ITGA11: variants seen among roughly 807,000 people sequenced by gnomAD.
The protein encoded by ITGA11 is integrin subunit alpha 11.
In ITGA11, 97 loss-of-function variants were observed where a neutral mutation model predicts 141.9. The observed-to-expected ratio is 0.68, with a 90% confidence interval of 0.58 to 0.81. The LOEUF (loss-of-function observed/expected upper bound fraction) is 0.81. Ranked by LOEUF, ITGA11 falls within the 30% of genes least tolerant of loss-of-function variation. The probability of loss-of-function intolerance (pLI) is 0.00; values close to 1 mark genes in which losing one functional copy is unlikely to be tolerated. For missense variants in ITGA11, 1,387 were observed against 1,559.2 expected (o/e 0.89, Z 1.86); for synonymous variants, 658 against 624.6 (o/e 1.05, Z -0.80).
At chr15:68,369,372 AAGTT>A in intron 2 of ITGA11, 88 bp from the exon 3 acceptor site, 1 of 249,734 alleles carries the variant, frequency 4.0e-6, no homozygotes, top group Non-Finnish European at 8.3e-6. Context: ...TGTGGAGGTG[AAGTT>A]GGGTGGGGAG....
rs1409664406 is a variant in ITGA11, at chr15:68,298,142, T to C, written c.*4917A>G. The C allele has an allele frequency of 6.6e-6, 1 of 152,208 alleles. No individual in the cohort carries two copies. Among genetic ancestry groups the C allele is most frequent in the African/African-American group, 2.4e-5 (1 of 41,456 alleles). The allele number at this position is 152,208 out of a possible 1,614,324, so 9.4% of individuals were successfully genotyped here. A position where few individuals can be genotyped will look rare whatever the true frequency, so the allele number is the denominator to read the frequency against. On this transcript the variant is annotated 3_prime_UTR_variant, in exon 30 of 30. Transcript: ENST00000315757. ...AGATCACCAAAGAAAATACTGGCAG[T>C]AGTGTATTCCTTCAGATACTTGACC...
rs776633460 is a variant in ITGA11 at position 68,307,995 on chromosome 15, T to C, written c.3175-299A>G. ...AATCTATAAATGTTTCCTATCACCA[T>C]ATAAACACATTAAGATAAAAAATTC... On this transcript the variant is annotated intron_variant, in intron 26 of 29. Coordinates refer to ENST00000315757, the MANE Select transcript of ITGA11 (RefSeq NM_001004439.2). The surrounding 1 kb of genome is among the most constrained non-coding windows in gnomAD (Gnocchi z 6.1). Among the ~76,000 whole-genome samples, 1 of 152,176 alleles carries C rather than the reference T, an allele frequency of 6.6e-6. No homozygotes were observed. The highest frequency in any genetic ancestry group is 1.5e-5 in the Non-Finnish European group (1 of 68,034).
At chr15:68,399,225 C>CCA (rs1445409444) in intron 2 of ITGA11, among the ~76,000 whole-genome samples, 1 of 152,012 alleles carries the variant, frequency 6.6e-6, no homozygotes, top group Non-Finnish European at 1.5e-5. Context: ...GAAAAATACT[C>CCA]CACATCACTA....
rs1893821387 is a variant in ITGA11 at position 68,321,736 on chromosome 15, A to C, written c.2323-233T>G. ...TCCAGTTCATAACTGAGCTGATGGC[A>C]CAGAACCCCCACCCCCACTCACCCA... On this transcript the variant is annotated intron_variant, in intron 18 of 29. Transcript: ENST00000315757. This position sits in a 1 kb window ranked among gnomAD's most constrained non-coding sequence, Gnocchi z 4.9. 6.6e-6 allele frequency among the ~76,000 whole-genome samples: 1 copy of C among 152,114 alleles called. No individual in the cohort carries two copies.
intron 2 of ITGA11, among the ~76,000 whole-genome samples, chr15:68,390,330 G>A (rs747638277): frequency 4.6e-5 from 7 of 152,174 alleles, no homozygotes; most frequent in Non-Finnish European, 8.8e-5. Flanking sequence ...CTTACGGCTG[G>A]TAAACGGGGC....
In ITGA11 at chr15:68,299,379, C is replaced by G. The variant is rs745342899; in HGVS notation, c.*3680G>C. ...AGGCCTGGCTGTCCTTTGAGAAGAA[C>G]CTAGTTGATGTTAATATTAACATAA... On this transcript the variant is annotated 3_prime_UTR_variant, in exon 30 of 30. Coordinates refer to ENST00000315757, the MANE Select transcript of ITGA11 (RefSeq NM_001004439.2). The G allele has an allele frequency of 6.6e-6, 1 of 151,450 alleles. No homozygotes were observed. The highest frequency in any genetic ancestry group is 1.5e-5 in the Non-Finnish European group (1 of 67,944). 9.4% of individuals were successfully genotyped at this position (151,450 alleles called of 1,614,324 possible).
At chr15:68,422,497 A>C (rs1482860653) in intron 1 of ITGA11, among the ~76,000 whole-genome samples, 1 of 152,058 alleles carries the variant, frequency 6.6e-6, no homozygotes. Flanking sequence ...TAGCCATCTT[A>C]TCATTCTACC....
intron 4 of ITGA11, among the ~76,000 whole-genome samples, chr15:68,364,393 T>C (rs1326574054): frequency 6.6e-6 from 1 of 152,254 alleles, no homozygotes; most frequent in Non-Finnish European, 1.5e-5. Context: ...ACTTGTTGGC[T>C]ATCTACATTT....
chr15:68,357,058 A>C, intron 7 of ITGA11, 93 bp downstream of exon 7: 1 of 1,134,678 alleles, frequency 8.8e-7, no homozygotes, highest in Non-Finnish European at 1.2e-6. Flanking sequence ...GTCTCAAGGT[A>C]CTAAATTTTG....
rs568152331 is a variant in ITGA11 at position 68,307,370 on chromosome 15, C to T, written c.3359G>A (p.Arg1120His). The part of the protein sequence containing the change: ...QRQFHSPFIF[R>H]EEDPSRQIVF... ...CACCTGGCGGCTGGGATCCTCCTCACGGAAGATGAAGGGGCTGTGGAACTG... is the reference window on the plus strand; with the variant it reads ...CACCTGGCGGCTGGGATCCTCCTCATGGAAGATGAAGGGGCTGTGGAACTG... Residue 1120 changes from arginine to histidine, a missense_variant, in exon 28 of 30, where the codon CGT (arginine) becomes CAT (histidine). Physicochemically the swap from Arg to His is conservative, Grantham distance 29. Coordinates refer to ENST00000315757, the MANE Select transcript of ITGA11 (RefSeq NM_001004439.2). This position sits in a 1 kb window ranked among gnomAD's most constrained non-coding sequence, Gnocchi z 6.1. The T allele has an allele frequency of 4.9e-4, 764 of 1,557,024 alleles. 8 individuals are homozygous for T. The South Asian group carries it at 7.0e-3, about 14-fold the overall frequency.
At chr15:68,312,682 G>A (rs1893428825) in intron 24 of ITGA11, 91 bp downstream of exon 24, 2 of 935,770 alleles carry the variant, frequency 2.1e-6, no homozygotes, top group Admixed American at 2.0e-5. Context: ...TGGACTCCGG[G>A]CACTAGCGAT....
In ITGA11 at chr15:68,315,662, G is replaced by A. The variant is rs766788110; in HGVS notation, c.2781C>T (p.Leu927=). The part of the protein sequence containing the change: ...SIFLHHLEIE[L]AAGSDSNERD... ...GGCACGGCCCTGACCTGCCTGCAGC[G>A]AGCTCGATCTCCAGGTGGTGTAGGA... The change falls in exon 22 of 30, where the codon CTC becomes CTT. Residue 927 remains leucine, a synonymous_variant. Coordinates refer to ENST00000315757, the MANE Select transcript of ITGA11 (RefSeq NM_001004439.2). 6 of 1,613,180 alleles carry A rather than the reference G, an allele frequency of 3.7e-6. No homozygotes were observed. The highest frequency in any genetic ancestry group is 5.1e-6 in the Non-Finnish European group (6 of 1,179,458).
chr15:68,313,741 T>C (rs1202327768), intron 23 of ITGA11, 38 bp downstream of exon 23: 2 of 1,529,076 alleles, frequency 1.3e-6, no homozygotes, highest in Non-Finnish European at 1.8e-6. Context: ...CCATTCCCCA[T>C]GCCTTCCCTC....
chr15:68,310,274 T>TAAA (rs1893338477), intron 26 of ITGA11, among the ~76,000 whole-genome samples: 1 of 152,052 alleles, frequency 6.6e-6, no homozygotes, highest in East Asian at 1.9e-4. Context: ...CAATTAGAAT[T>TAAA]TATTAGGTGA....
Position 68,304,728 on chromosome 15 carries a change from G to C in ITGA11, c.3382-843C>G, listed in dbSNP as rs7173564. 8.8e-3 allele frequency among the ~76,000 whole-genome samples: 1,347 copies of C among 152,244 alleles called. 14 individuals carry two copies. Among genetic ancestry groups the C allele is most frequent in the African/African-American group, 0.031 (1,282 of 41,530 alleles). The stretch of plus-strand genomic sequence containing the variant: ...CAGCCCCCGAAGCCTGCTCTTTCCA[G>C]CTCTTTCTCACCTAAGCAAATGGCA... On this transcript the variant is annotated intron_variant, in intron 28 of 29. Transcript: ENST00000315757. The surrounding 1 kb of genome is among the most constrained non-coding windows in gnomAD (Gnocchi z 6.1).
At position 68,335,578 on chromosome 15, in the gene ITGA11, G is replaced by A; in HGVS notation, c.1425+119C>T. 2.6e-6 allele frequency: 3 copies of A among 1,165,990 alleles called. No homozygotes were observed. Among genetic ancestry groups the A allele is most frequent in the South Asian group, 2.8e-5 (2 of 70,396 alleles). The allele number at this position is 1,165,990 out of a possible 1,614,324, so 72.2% of individuals were successfully genotyped here. On this transcript the variant is annotated intron_variant, in intron 12 of 29. Transcript: ENST00000315757. The surrounding 1 kb of genome is among the most constrained non-coding windows in gnomAD (Gnocchi z 4.9). ...CCTGGCAGCATGAAGGTGGCTGGAG[G>A]AACATGACTGCCCTTTGGGGCACCC...
chr15:68,420,879 G>A (rs1270002766), intron 1 of ITGA11, among the ~76,000 whole-genome samples: 2 of 152,172 alleles, frequency 1.3e-5, no homozygotes, highest in Non-Finnish European at 2.9e-5. Context: ...AAGCCTCGGA[G>A]AGACTAAAGC....
chr15:68,369,696 T>A (rs1895529167), intron 2 of ITGA11, among the ~76,000 whole-genome samples: 1 of 152,108 alleles, frequency 6.6e-6, no homozygotes, highest in Non-Finnish European at 1.5e-5. Flanking sequence ...AGCCACAGAG[T>A]CTTGACCATC....
chr15:68,387,511 C>T (rs758364129), intron 2 of ITGA11, among the ~76,000 whole-genome samples: 1 of 152,210 alleles, frequency 6.6e-6, no homozygotes, highest in Non-Finnish European at 1.5e-5. Context: ...ATTTAGCAAG[C>T]GTTCCAGGGA....
Sources: gnomAD v4.1 joint callset for allele counts (sites outside exome capture counted in the v4.1 genomes callset) on GRCh38, gnomAD v4.1.1 for gene constraint, Gnocchi (gnomAD v3.1) non-coding constraint, MANE v1.5 for transcripts, NCBI Gene and HGNC (gene_info 2026-07-23, HGNC 2026-07-21) for gene names.